Variants in CPS1 observed in about 807,000 individuals in gnomAD.
The protein encoded by CPS1 is carbamoyl-phosphate synthase [ammonia], mitochondrial.
CPS1 carries 109 observed loss-of-function variants against 174.6 expected under a neutral mutation model. The ratio of observed to expected loss-of-function variants is 0.62; its 90% CI spans 0.53 to 0.73. The LOEUF (loss-of-function observed/expected upper bound fraction) is 0.73, where lower values mean the gene tolerates loss of function less well. Among genes scored for constraint, CPS1 ranks in the 30% least tolerant of loss-of-function variants. The probability of loss-of-function intolerance (pLI) is 0.00; values close to 1 mark genes in which losing one functional copy is unlikely to be tolerated. For synonymous variants in CPS1, 637 were observed against 632.0 expected, an observed-to-expected ratio of 1.01 and a Z score of -0.12; for missense variants, 1,689 against 1,821.9, an observed-to-expected ratio of 0.93 and a Z score of 1.33.
At chr2:210,601,953 A>T (rs2105842501) in intron 15 of CPS1, among the ~76,000 whole-genome samples, 2 of 152,098 alleles carry the variant, frequency 1.3e-5, no homozygotes, top group Non-Finnish European at 2.9e-5. Flanking sequence ...TCAATAGGAC[A>T]GGATAAAATT....
rs1282294506 is a variant in CPS1 at position 210,606,856 on chromosome 2, C to A, written c.2107C>A (p.Leu703Ile). Residue 703 changes from leucine to isoleucine, a missense_variant, in exon 18 of 38, where the codon CTT (leucine) becomes ATT (isoleucine). Physicochemically the swap from Leu to Ile is conservative, Grantham distance 5. Transcript: ENST00000233072. The part of the protein sequence containing the change: ...IVGECNIQFA[L>I]HPTSMEYCII... ...GGGTGAATGCAACATTCAGTTTGCC[C>A]TTCATCCTACCTCAATGGAATACTG... is the stretch of plus-strand genomic sequence containing the variant. The A allele has an allele frequency of 1.9e-6, 3 of 1,612,514 alleles. No homozygotes were observed. In the Admixed American group the frequency reaches 5.0e-5, roughly 27 times the overall value.
chr2:210,622,948 A>G (rs994450699), intron 21 of CPS1, among the ~76,000 whole-genome samples: 13 of 152,076 alleles, frequency 8.5e-5, no homozygotes, highest in Admixed American at 8.5e-4. Context: ...ATTTTATTAT[A>G]CCTGCCTAAA....
intron 1 of CPS1, among the ~76,000 whole-genome samples, chr2:210,478,139 T>C (rs1694453776): frequency 6.6e-6 from 1 of 152,246 alleles, no homozygotes; most frequent in Admixed American, 6.5e-5. Context: ...TGAGATTCTG[T>C]ACTTAATTTC....
At chr2:210,643,136 C>G (rs1231740559) in intron 25 of CPS1, among the ~76,000 whole-genome samples, 2 of 152,104 alleles carry the variant, frequency 1.3e-5, no homozygotes, top group Non-Finnish European at 2.9e-5. Context: ...ATTCCTTGTT[C>G]CATCAGATGA....
At chr2:210,498,097 A>G (rs1043545052) in intron 1 of CPS1, among the ~76,000 whole-genome samples, 4 of 151,492 alleles carry the variant, frequency 2.6e-5, no homozygotes, top group African/African-American at 9.7e-5. Context: ...TGACTTTTTA[A>G]TAACGGCCAT....
intron 21 of CPS1, chr2:210,619,933 G>A (rs1457906342): frequency 6.6e-6 from 1 of 151,858 alleles, no homozygotes; most frequent in Non-Finnish European, 1.5e-5. Context: ...GGGGCCTGTT[G>A]GGGGGTGGGG....
In CPS1 at chr2:210,678,318, A is replaced by G. The variant is rs942234318; in HGVS notation, c.*333A>G. The G allele has an allele frequency of 2.7e-6, 1 of 377,338 alleles. No individual in the cohort carries two copies. The highest frequency in any genetic ancestry group is 2.1e-5 in the African/African-American group (1 of 48,122). The allele number at this position is 377,338 out of a possible 1,614,324, so 23.4% of individuals were successfully genotyped here. ...TCAAGGTAGGAAAAGTTGCTGTTCT[A>G]TTTTCTGAACTCTTTCTATACTTTA... On this transcript the variant is annotated 3_prime_UTR_variant, in exon 38 of 38. Coordinates refer to ENST00000233072, the MANE Select transcript of CPS1 (RefSeq NM_001875.5).
At position 210,665,726 on chromosome 2, in the gene CPS1, T is replaced by C. The variant is rs573576108; in HGVS notation, c.4003-2460T>C. ...ACATTTTCTTAATCCAGTCTATCAT[T>C]GTTGGACATTTGGGTTGGTTCCAAG... On this transcript the variant is annotated intron_variant, in intron 33 of 37. Coordinates refer to ENST00000233072, the MANE Select transcript of CPS1 (RefSeq NM_001875.5). Among the ~76,000 whole-genome samples, 451 of 151,116 alleles carry C rather than the reference T, an allele frequency of 3.0e-3. 5 individuals carry two copies. Among genetic ancestry groups the C allele is most frequent in the Non-Finnish European group, 5.1e-3 (348 of 67,634 alleles).
rs576518547 is a variant in CPS1 at position 210,546,729 on chromosome 2, T to G, written c.4-9990T>G. The stretch of plus-strand genomic sequence containing the variant: ...AATGCCATTTAATAAAGAGAAAACT[T>G]CAGCAGACAGAAGTTATATGATCTT... On this transcript the variant is annotated intron_variant, in intron 1 of 38. Coordinates refer to the CPS1 transcript ENST00000430249. Among the ~76,000 whole-genome samples the G allele has an allele frequency of 2.6e-5, 4 of 152,280 alleles. 1 individual carries two copies. The South Asian group carries it at 8.3e-4, about 32-fold the overall frequency.
At chr2:210,603,920 A>C (rs1436374066) in intron 16 of CPS1, among the ~76,000 whole-genome samples, 1 of 151,930 alleles carries the variant, frequency 6.6e-6, no homozygotes, top group Non-Finnish European at 1.5e-5. Flanking sequence ...AGACTTCAAA[A>C]AATAAAAATA....
rs1244905393 is a variant in CPS1, at chr2:210,637,783, C to T, written c.2769C>T (p.Leu923=). 6.8e-6 allele frequency: 11 copies of T among 1,613,946 alleles called. No homozygotes were observed. The highest frequency in any genetic ancestry group is 4.0e-5 in the African/African-American group (3 of 75,024). The change falls in exon 22 of 38, where the codon CTC becomes CTT. Residue 923 remains leucine (L), a synonymous_variant. Coordinates refer to ENST00000233072, the MANE Select transcript of CPS1 (RefSeq NM_001875.5). ...SDKQISKCLG[L]TEAQTRELRL... The stretch of plus-strand genomic sequence containing the variant: ...AGCAGATTTCAAAATGCCTTGGGCT[C>T]ACTGAGGCCCAGACAAGGGAGCTGA...
chr2:210,536,481 C>T (rs764530579), intron 1 of CPS1, among the ~76,000 whole-genome samples: 3 of 151,888 alleles, frequency 2.0e-5, no homozygotes, highest in Admixed American at 1.3e-4. Flanking sequence ...CCACCATGTC[C>T]GGCTAATTTA....
chr2:210,658,453 T>A, intron 30 of CPS1, 146 bp from the exon 31 acceptor site: 1 of 652,552 alleles, frequency 1.5e-6, no homozygotes, highest in Non-Finnish European at 2.8e-6. Flanking sequence ...AATAGTGCCC[T>A]CCATTATAAT....
At chr2:210,562,757 A>G (rs2106049464) in intron 1 of CPS1, among the ~76,000 whole-genome samples, 1 of 152,288 alleles carries the variant, frequency 6.6e-6, no homozygotes, top group South Asian at 2.1e-4. Flanking sequence ...ACTTTTTCTG[A>G]AGTGCAAATA....
chr2:210,606,977 T>C, intron 18 of CPS1, 36 bp downstream of exon 18: 6 of 1,578,748 alleles, frequency 3.8e-6, no homozygotes, highest in Non-Finnish European at 5.2e-6. Flanking sequence ...GTTTGCAGAT[T>C]CTTTTCAGAT....
chr2:210,664,007 A>G (rs1350088590), intron 33 of CPS1, among the ~76,000 whole-genome samples: 1 of 152,184 alleles, frequency 6.6e-6, no homozygotes, highest in East Asian at 1.9e-4. Context: ...GATGTTTTAT[A>G]TGGTTGCCTG....
At chr2:210,541,578 T>G (rs997167079) in intron 1 of CPS1, among the ~76,000 whole-genome samples, 1 of 152,132 alleles carries the variant, frequency 6.6e-6, no homozygotes, top group African/African-American at 2.4e-5. Context: ...AGTGAAATGC[T>G]GATTGATCAG....
chr2:210,625,650 G>T (rs957560827), intron 21 of CPS1, among the ~76,000 whole-genome samples: 9 of 152,038 alleles, frequency 5.9e-5, no homozygotes, highest in African/African-American at 2.2e-4. Flanking sequence ...AAGGAAGAGA[G>T]AATTTAAAAT....
chr2:210,594,456 G>A, intron 11 of CPS1, 52 bp from the exon 12 acceptor site: 1 of 1,250,266 alleles, frequency 8.0e-7, no homozygotes. Flanking sequence ...GTTTTATCTG[G>A]TGAACTTAGG....
Sources: allele counts gnomAD v4.1 joint callset (sites outside exome capture counted in the v4.1 genomes callset), GRCh38; gene constraint gnomAD v4.1.1; transcripts MANE v1.5; gene names NCBI Gene and HGNC (gene_info 2026-07-23, HGNC 2026-07-21).